REC114: variants seen among roughly 807,000 people sequenced by gnomAD.
The protein encoded by REC114 is REC114 meiotic recombination protein, also known as meiotic recombination protein REC114.
In REC114, 27 loss-of-function variants were observed where a neutral mutation model predicts 31.3. That is an observed-to-expected ratio of 0.86 (90% CI 0.64 to 1.19). The LOEUF (loss-of-function observed/expected upper bound fraction) is 1.19. REC114 is among the 50% of genes most tolerant of loss of function. The probability of loss-of-function intolerance (pLI) is 0.00; values close to 1 mark genes in which losing one functional copy is unlikely to be tolerated. For synonymous variants in REC114, 134 were observed against 127.7 expected (o/e 1.05, Z -0.33); for missense variants, 344 against 326.9 (o/e 1.05, Z -0.40).
intron 2 of REC114, among the ~76,000 whole-genome samples, chr15:73,496,129 A>G (rs1446870040): frequency 6.6e-6 from 1 of 151,422 alleles, no homozygotes; most frequent in African/African-American, 2.4e-5. Context: ...TGAGGCAGGC[A>G]GATCACGAGG....
chr15:73,553,514 CA>C (rs368537558), intron 4 of REC114, among the ~76,000 whole-genome samples: 1 of 151,990 alleles, frequency 6.6e-6, no homozygotes. Flanking sequence ...TGGAGTGTAA[CA>C]AAAAAACCCA....
intron 1 of REC114, among the ~76,000 whole-genome samples, chr15:73,451,176 A>G (rs1437817958): frequency 6.6e-6 from 1 of 152,228 alleles, no homozygotes; most frequent in Non-Finnish European, 1.5e-5. Flanking sequence ...AAAACCCTTC[A>G]AAAGTCAGTG....
At chr15:73,529,626 C>T (rs1408713106) in intron 2 of REC114, among the ~76,000 whole-genome samples, 1 of 152,088 alleles carries the variant, frequency 6.6e-6, no homozygotes, top group Admixed American at 6.6e-5. Flanking sequence ...ACTATTTTCT[C>T]TAGCTTTGAA....
chr15:73,445,988 G>C (rs147431557), intron 1 of REC114, among the ~76,000 whole-genome samples: 5 of 152,320 alleles, frequency 3.3e-5, no homozygotes, highest in African/African-American at 9.6e-5. Flanking sequence ...CCTTCAATGT[G>C]TAAAAAATGT....
chr15:73,451,291 A>T (rs941997405), intron 1 of REC114, among the ~76,000 whole-genome samples: 1 of 152,216 alleles, frequency 6.6e-6, no homozygotes, highest in African/African-American at 2.4e-5. Flanking sequence ...AAAAATGATA[A>T]AGGGGCTGTC....
intron 2 of REC114, among the ~76,000 whole-genome samples, chr15:73,508,244 T>G (rs926992211): frequency 3.3e-5 from 5 of 152,158 alleles, no homozygotes; most frequent in Admixed American, 6.5e-5. Flanking sequence ...GAAATTAAAG[T>G]AAAATATTTT....
At chr15:73,443,494 T>A in intron 1 of REC114, 150 bp downstream of exon 1, 1 of 915,030 alleles carries the variant, frequency 1.1e-6, no homozygotes, top group East Asian at 2.7e-5. Flanking sequence ...GGCCGACAAC[T>A]AAGATAGGAA....
rs1350399802 is a variant in REC114 at position 73,540,585 on chromosome 15, T to C, written c.333+17T>C. On this transcript the variant is annotated intron_variant, in intron 3 of 5. Coordinates refer to ENST00000331090, the MANE Select transcript of REC114 (RefSeq NM_001042367.2). ...ACGATAAAGGCAAGATTTAAGCTAA[T>C]GATCACACTCTTCTCATCTTCTATG... is the stretch of plus-strand genomic sequence containing the variant. The C allele has an allele frequency of 1.9e-6, 3 of 1,596,574 alleles. No homozygotes were observed. Among genetic ancestry groups the C allele is most frequent in the African/African-American group, 1.3e-5 (1 of 74,698 alleles).
rs1023717976 is a variant in REC114, at chr15:73,494,260, C to G, written c.249+20339C>G. On this transcript the variant is annotated intron_variant, in intron 2 of 5. Coordinates refer to ENST00000331090, the MANE Select transcript of REC114 (RefSeq NM_001042367.2). ...GTATGAGTTAAAAGTTCAAGATACA[C>G]CCTGGAGGCAGAGATTGCAGTGAGC... is the stretch of plus-strand genomic sequence containing the variant. Among the ~76,000 whole-genome samples the G allele has an allele frequency of 3.3e-5, 5 of 152,212 alleles. No individual in the cohort carries two copies. In the East Asian group the frequency reaches 7.7e-4, roughly 23 times the overall value.
At chr15:73,527,181 T>C (rs1038633721) in intron 2 of REC114, among the ~76,000 whole-genome samples, 1 of 152,236 alleles carries the variant, frequency 6.6e-6, no homozygotes, top group Non-Finnish European at 1.5e-5. Context: ...AGTTGTAACT[T>C]AAACATTCCC....
At chr15:73,503,985 T>A (rs1471143802) in intron 2 of REC114, among the ~76,000 whole-genome samples, 1 of 150,668 alleles carries the variant, frequency 6.6e-6, no homozygotes, top group Non-Finnish European at 1.5e-5. Context: ...TCTTAGAAAT[T>A]CTCCCATAGG....
At chr15:73,542,021 C>CT (rs879624654) in intron 3 of REC114, among the ~76,000 whole-genome samples, 14 of 150,626 alleles carry the variant, frequency 9.3e-5, no homozygotes, top group African/African-American at 2.9e-4. Flanking sequence ...AACCAGATTT[C>CT]TTTTTTTTTC....
chr15:73,553,857 T>C (rs1894425436), intron 4 of REC114, among the ~76,000 whole-genome samples: 1 of 152,234 alleles, frequency 6.6e-6, no homozygotes, highest in South Asian at 2.1e-4. Context: ...CATGATGTTG[T>C]GCAAAGACTA....
chr15:73,497,994 A>G (rs1352995848), intron 2 of REC114, among the ~76,000 whole-genome samples: 1 of 152,222 alleles, frequency 6.6e-6, no homozygotes, highest in East Asian at 1.9e-4. Flanking sequence ...CCCTTGTTTC[A>G]TGTAACAAAA....
intron 2 of REC114, among the ~76,000 whole-genome samples, chr15:73,517,326 A>T (rs1186584653): frequency 6.6e-6 from 1 of 152,202 alleles, no homozygotes; most frequent in Non-Finnish European, 1.5e-5. Context: ...AACAAAGAAA[A>T]AAAATTTTTT....
intron 3 of REC114, among the ~76,000 whole-genome samples, chr15:73,541,215 G>T (rs1225714374): frequency 2.0e-5 from 3 of 151,978 alleles, no homozygotes; most frequent in African/African-American, 4.8e-5. Flanking sequence ...GAATTCAGGG[G>T]GTCCATGAAC....
At chr15:73,472,871 A>G (rs1893153016) in intron 1 of REC114, among the ~76,000 whole-genome samples, 1 of 152,170 alleles carries the variant, frequency 6.6e-6, no homozygotes, top group Non-Finnish European at 1.5e-5. Flanking sequence ...TGATTTACCA[A>G]CATAGGTAAT....
chr15:73,517,182 C>T (rs541358913), intron 2 of REC114, among the ~76,000 whole-genome samples: 37 of 152,312 alleles, frequency 2.4e-4, no homozygotes, highest in Admixed American at 2.4e-3. Flanking sequence ...TTATATACTT[C>T]ACCCTTCCCA....
chr15:73,474,709 ATC>A (rs1033795654), intron 2 of REC114, among the ~76,000 whole-genome samples: 3 of 152,202 alleles, frequency 2.0e-5, no homozygotes, highest in African/African-American at 7.2e-5. Flanking sequence ...GAAGACAGAA[ATC>A]TCTTTCATTA....
Sources: gnomAD v4.1 joint callset for allele counts (sites outside exome capture counted in the v4.1 genomes callset) on GRCh38, gnomAD v4.1.1 for gene constraint, MANE v1.5 for transcripts, NCBI Gene and HGNC (gene_info 2026-07-23, HGNC 2026-07-21) for gene names.